SLIT2: variants seen among roughly 807,000 people sequenced by gnomAD.
The protein encoded by SLIT2 is slit guidance ligand 2, also known as slit homolog 2 protein.
In SLIT2, 41 loss-of-function variants were observed where a neutral mutation model predicts 185.7. The observed-to-expected ratio is 0.22, with a 90% CI of 0.17 to 0.29. The LOEUF is 0.29. Among genes scored for constraint, SLIT2 ranks in the 10% least tolerant of loss-of-function variants. The pLI, the probability that SLIT2 is intolerant of heterozygous loss-of-function variation, is 1.00. For synonymous variants in SLIT2, 693 were observed against 680.2 expected, an observed-to-expected ratio of 1.02 and a Z score of -0.29; for missense variants, 1,571 against 1,909.0, an observed-to-expected ratio of 0.82 and a Z score of 3.30.
chr4:20,546,226 G>A (rs1723241158), intron 22 of SLIT2, 127 bp downstream of exon 22: 1 of 530,974 alleles, frequency 1.9e-6, no homozygotes, highest in African/African-American at 2.0e-5. Context: ...TTCCCTCCTT[G>A]CTCATTGCGG....
intron 4 of SLIT2, among the ~76,000 whole-genome samples, chr4:20,351,775 G>T (rs138410464): frequency 1.3e-5 from 2 of 152,160 alleles, no homozygotes; most frequent in Non-Finnish European, 2.9e-5. Context: ...ATAAACAATA[G>T]TGTGTTAATG....
intron 4 of SLIT2, among the ~76,000 whole-genome samples, chr4:20,337,076 G>A (rs1350267929): frequency 6.6e-6 from 1 of 152,144 alleles, no homozygotes; most frequent in Non-Finnish European, 1.5e-5. Context: ...ACTGCAATAG[G>A]AAGTAGTTAC....
intron 4 of SLIT2, among the ~76,000 whole-genome samples, chr4:20,429,231 C>T (rs559644893): frequency 6.6e-6 from 1 of 151,814 alleles, no homozygotes; most frequent in South Asian, 2.1e-4. Context: ...TTATCGGTTC[C>T]TCTGCTTGAT....
chr4:20,454,879 G>A (rs1415875094), intron 4 of SLIT2, among the ~76,000 whole-genome samples: 3 of 151,932 alleles, frequency 2.0e-5, no homozygotes, highest in Non-Finnish European at 4.4e-5. Context: ...GTTAAAAGCT[G>A]ATGCAATATT....
chr4:20,280,981 C>T (rs1014570718), intron 4 of SLIT2, among the ~76,000 whole-genome samples: 5 of 151,872 alleles, frequency 3.3e-5, no homozygotes, highest in African/African-American at 9.7e-5. Context: ...TACAGGCATG[C>T]GCCACCACGC....
intron 4 of SLIT2, among the ~76,000 whole-genome samples, chr4:20,321,670 C>T (rs1228775835): frequency 6.6e-6 from 1 of 152,182 alleles, no homozygotes; most frequent in Non-Finnish European, 1.5e-5. Context: ...GCATGAAATG[C>T]GTGGGAGCAA....
chr4:20,595,907 G>C, intron 31 of SLIT2, 73 bp downstream of exon 31: 2 of 1,271,142 alleles, frequency 1.6e-6, no homozygotes, highest in East Asian at 4.7e-5. Context: ...GTCAGTAATA[G>C]TGTAATCGTA....
At chr4:20,342,407 TCA>T (rs1721030030) in intron 4 of SLIT2, among the ~76,000 whole-genome samples, 3 of 152,258 alleles carry the variant, frequency 2.0e-5, no homozygotes, top group East Asian at 3.9e-4. Flanking sequence ...TCTGGGATAA[TCA>T]AAACCCATCA....
chr4:20,516,963 T>C (rs1318649038), intron 11 of SLIT2, among the ~76,000 whole-genome samples: 1 of 152,188 alleles, frequency 6.6e-6, no homozygotes, highest in African/African-American at 2.4e-5. Flanking sequence ...AGCAGTGATT[T>C]ATTGAAAAAA....
At chr4:20,329,335 A>T (rs931338627) in intron 4 of SLIT2, among the ~76,000 whole-genome samples, 1 of 151,952 alleles carries the variant, frequency 6.6e-6, no homozygotes, top group African/African-American at 2.4e-5. Flanking sequence ...TAGAATAATT[A>T]GATGAAATAA....
At chr4:20,261,519 A>G (rs1712475612) in intron 3 of SLIT2, among the ~76,000 whole-genome samples, 1 of 151,788 alleles carries the variant, frequency 6.6e-6, no homozygotes, top group Non-Finnish European at 1.5e-5. Context: ...TTGTTCACAC[A>G]CTGTTTATGG....
rs1729772709 is a variant in SLIT2, at chr4:20,617,577, G to C, written c.4275G>C (p.Lys1425Asn). Residue 1425 changes from lysine to asparagine, a missense_variant, in exon 36 of 37, where the codon AAG (lysine) becomes AAC (asparagine). Around this residue, in one of 3 missense-constraint regions of SLIT2, gnomAD observed 223 missense variants for 245.2 expected, o/e 0.91. Coordinates refer to ENST00000504154, the MANE Select transcript of SLIT2 (RefSeq NM_004787.4). ...PCQAIKCKHG[K>N]CRLSGLGQPY... Reference sequence around the variant, plus strand: ...AGGCGATCAAGTGCAAGCATGGGAAGTGCAGGCTTTCAGGTCTGGGGCAGC... The same window carrying C: ...AGGCGATCAAGTGCAAGCATGGGAACTGCAGGCTTTCAGGTCTGGGGCAGC... 1.2e-6 allele frequency: 2 copies of C among 1,613,730 alleles called. No individual in the cohort carries two copies. Among genetic ancestry groups the C allele is most frequent in the Non-Finnish European group, 1.7e-6 (2 of 1,179,978 alleles).
In SLIT2 at chr4:20,510,478, AT is replaced by A. The variant is rs1719605797; in HGVS notation, c.915-9del. ...GTTCACATTTCCATTTAAAAGTTGAATTTTTTTTCATTGCAGACGTTTGGAA... is the reference window on the plus strand; with the variant it reads ...GTTCACATTTCCATTTAAAAGTTGAATTTTTTTCATTGCAGACGTTTGGAA... On this transcript the variant is annotated splice_polypyrimidine_tract_variant and intron_variant, in intron 9 of 36. Transcript: ENST00000504154. 2.9e-5 allele frequency: 45 copies of A among 1,577,706 alleles called. No homozygotes were observed. Among genetic ancestry groups the A allele is most frequent in the Admixed American group, 5.0e-5 (3 of 59,648 alleles).
At chr4:20,368,088 C>G (rs967462248) in intron 4 of SLIT2, among the ~76,000 whole-genome samples, 7 of 151,770 alleles carry the variant, frequency 4.6e-5, no homozygotes, top group African/African-American at 1.5e-4. Flanking sequence ...TGTGCCTATG[C>G]TTTATGTTCT....
Position 20,330,993 on chromosome 4 carries a change from C to T in SLIT2, c.395+62112C>T, listed in dbSNP as rs1490653118. ...GCCTGTAAGAAAGTCAGAAAATAAA[C>T]CAACAGACAAATATTCCGTAGACAA... On this transcript the variant is annotated intron_variant, in intron 4 of 36. Coordinates refer to ENST00000504154, the MANE Select transcript of SLIT2 (RefSeq NM_004787.4). Among the ~76,000 whole-genome samples the T allele has an allele frequency of 2.0e-5, 3 of 152,156 alleles. No individual in the cohort carries two copies. The East Asian group carries it at 5.8e-4, about 29-fold the overall frequency.
chr4:20,619,155 T>C lies in SLIT2; in HGVS notation c.*146T>C. The C allele has an allele frequency of 1.2e-6, 1 of 851,540 alleles. No individual in the cohort carries two copies. The highest frequency in any genetic ancestry group is 1.7e-6 in the Non-Finnish European group (1 of 596,574). 52.7% of individuals were successfully genotyped at this position (851,540 alleles called of 1,614,324 possible). A position where few individuals can be genotyped will look rare whatever the true frequency, so the allele number is the denominator to read the frequency against. On this transcript the variant is annotated 3_prime_UTR_variant, in exon 37 of 37. Transcript: ENST00000504154. ...TTTATTATGAGAATAAAGACTTTTT[T>C]TCTGCATTTGGAAAAAAAAAAAAAG...
chr4:20,543,066 A>G (rs979441253), intron 21 of SLIT2, among the ~76,000 whole-genome samples: 2 of 152,044 alleles, frequency 1.3e-5, no homozygotes, highest in African/African-American at 4.8e-5. Flanking sequence ...GATATTCTGT[A>G]CAGGAAACTT....
chr4:20,291,102 T>A (rs1159069586), intron 4 of SLIT2, among the ~76,000 whole-genome samples: 1 of 152,040 alleles, frequency 6.6e-6, no homozygotes, highest in Non-Finnish European at 1.5e-5. Context: ...TGAATTTAGT[T>A]CGATATGTTT....
intron 4 of SLIT2, among the ~76,000 whole-genome samples, chr4:20,324,987 A>G (rs1719436243): frequency 6.6e-6 from 1 of 152,030 alleles, no homozygotes; most frequent in African/African-American, 2.4e-5. Context: ...ATAAAGCTGG[A>G]AAAGAAAAGC....
Sources: gnomAD v4.1 joint callset for allele counts (sites outside exome capture counted in the v4.1 genomes callset) on GRCh38, gnomAD v4.1.1 for gene constraint, gnomAD v4.1.1 regional missense constraint, MANE v1.5 for transcripts, NCBI Gene and HGNC (gene_info 2026-07-23, HGNC 2026-07-21) for gene names.